The following POP1 variants were observed in gnomAD, a reference collection of about 807,000 sequenced individuals.
POP1 encodes the protein ribonucleases P/MRP protein subunit POP1.
Under a neutral mutation model 102.2 loss-of-function variants are expected in POP1, and 75 were observed. The ratio of observed to expected loss-of-function variants is 0.73; its 90% CI spans 0.61 to 0.89. POP1 has a LOEUF of 0.89. POP1 is among the 40% of genes least tolerant of loss of function. POP1 has a pLI of 0.00. For missense variants in POP1, 1,116 were observed against 1,267.4 expected, an observed-to-expected ratio of 0.88 and a Z score of 1.81; for synonymous variants, 436 against 464.1, an observed-to-expected ratio of 0.94 and a Z score of 0.78.
intron 2 of POP1, among the ~76,000 whole-genome samples, chr8:98,124,087 C>T (rs572263810): frequency 3.6e-4 from 55 of 152,186 alleles, no homozygotes; most frequent in African/African-American, 1.3e-3. Flanking sequence ...CAGAAATGGG[C>T]AGAGGATGGA....
Position 98,146,701 on chromosome 8 carries a change from G to C in POP1, c.1710+18G>C. The C allele has an allele frequency of 1.3e-6, 2 of 1,532,722 alleles. No homozygotes were observed. Among genetic ancestry groups the C allele is most frequent in the South Asian group, 1.1e-5 (1 of 89,260 alleles). 94.9% of individuals were successfully genotyped at this position (1,532,722 alleles called of 1,614,324 possible). ...CGGATCAGGTAACTAATAGTGTAAG[G>C]GTTATTGGTAAAGTCATGAATGACA... On this transcript the variant is annotated intron_variant, in intron 12 of 15. Transcript: ENST00000401707.
chr8:98,131,466 G>T (rs1005653439), intron 5 of POP1, among the ~76,000 whole-genome samples: 8 of 152,162 alleles, frequency 5.3e-5, no homozygotes, highest in Non-Finnish European at 1.2e-4. Context: ...GTATTCCATT[G>T]TAGGTATATA....
At chr8:98,157,559 T>C (rs1809683108) in intron 15 of POP1, 58 bp from the exon 16 acceptor site, 3 of 1,569,694 alleles carry the variant, frequency 1.9e-6, no homozygotes, top group Non-Finnish European at 2.6e-6. Context: ...AATCTTCTGA[T>C]TGCATATTTT....
intron 5 of POP1, 88 bp downstream of exon 5, chr8:98,130,314 C>G (rs1361305370): frequency 6.5e-7 from 1 of 1,543,178 alleles, no homozygotes; most frequent in Non-Finnish European, 8.9e-7. Flanking sequence ...GTGCCAAGCC[C>G]CGTTTATGTG....
At chr8:98,119,837 G>A (rs1018042947) in intron 1 of POP1, among the ~76,000 whole-genome samples, 1 of 152,186 alleles carries the variant, frequency 6.6e-6, no homozygotes, top group African/African-American at 2.4e-5. Flanking sequence ...GCCTCCCAAA[G>A]TGCTGGGATT....
intron 12 of POP1, among the ~76,000 whole-genome samples, chr8:98,147,648 A>G (rs1158511174): frequency 2.6e-5 from 4 of 152,098 alleles, no homozygotes; most frequent in Middle Eastern, 3.2e-3. Context: ...GACCCTTGAA[A>G]TATTCTAGGT....
In POP1 at chr8:98,123,412, C is replaced by T. The variant is rs779273288; in HGVS notation, c.75C>T (p.Gly25=). ...CTACCAATGTGACTCTGTCCTCTGGCTTTGTGGCTGACAGAGGTGTAAAGC... is the reference window on the plus strand; with the variant it reads ...CTACCAATGTGACTCTGTCCTCTGGTTTTGTGGCTGACAGAGGTGTAAAGC... ...NQPTNVTLSS[G]FVADRGVKHH... Residue 25 remains glycine, a synonymous_variant, in exon 2 of 16, where the codon GGC becomes GGT. Coordinates refer to ENST00000401707, the MANE Select transcript of POP1 (RefSeq NM_001145860.2). 1 of 1,614,150 alleles carries T rather than the reference C, an allele frequency of 6.2e-7. No homozygotes were observed. Among genetic ancestry groups the T allele is most frequent in the South Asian group, 1.1e-5 (1 of 91,080 alleles).
At chr8:98,145,983 T>C (rs1399673875) in intron 11 of POP1, among the ~76,000 whole-genome samples, 2 of 152,064 alleles carry the variant, frequency 1.3e-5, no homozygotes, top group East Asian at 3.8e-4. Context: ...ATCAGAGACT[T>C]AAAATAATGG....
chr8:98,117,507 A>C, intron 1 of POP1, 117 bp downstream of exon 1: 4 of 196,734 alleles, frequency 2.0e-5, no homozygotes, highest in Non-Finnish European at 3.2e-5. Flanking sequence ...GACTCCGCTG[A>C]CCTCTTTCCT....
intron 14 of POP1, 71 bp downstream of exon 14, chr8:98,150,710 C>T (rs1809493293): frequency 6.9e-7 from 1 of 1,442,790 alleles, no homozygotes; most frequent in South Asian, 1.2e-5. Flanking sequence ...ATTGGTATCC[C>T]AAACATTAGG....
chr8:98,139,260 T>C (rs1264332110), intron 9 of POP1, among the ~76,000 whole-genome samples: 2 of 152,222 alleles, frequency 1.3e-5, no homozygotes, highest in African/African-American at 2.4e-5. Context: ...TGAAGGACTT[T>C]TTGAAATCTT....
At chr8:98,122,472 C>T (rs562952371) in intron 1 of POP1, among the ~76,000 whole-genome samples, 12 of 152,272 alleles carry the variant, frequency 7.9e-5, no homozygotes, top group African/African-American at 1.4e-4. Context: ...TAGGGCCCTT[C>T]GGATTTCCTG....
chr8:98,129,834 G>T, intron 4 of POP1, 144 bp from the exon 5 acceptor site: 1 of 947,008 alleles, frequency 1.1e-6, no homozygotes, highest in Non-Finnish European at 1.6e-6. Context: ...TTACATTGAA[G>T]AAACTAAGTT....
At chr8:98,124,608 A>G (rs372134243) in intron 2 of POP1, among the ~76,000 whole-genome samples, 2 of 152,122 alleles carry the variant, frequency 1.3e-5, no homozygotes, top group Non-Finnish European at 2.9e-5. Context: ...GAAGATATGT[A>G]TGTATCCCCA....
chr8:98,118,997 CCA>C (rs1320625746), intron 1 of POP1, among the ~76,000 whole-genome samples: 3 of 152,068 alleles, frequency 2.0e-5, no homozygotes, highest in East Asian at 1.9e-4. Flanking sequence ...ATACTAGTGA[CCA>C]CAGAGTTGTG....
At chr8:98,123,684 G>A in intron 2 of POP1, among the ~76,000 whole-genome samples, 1 of 152,016 alleles carries the variant, frequency 6.6e-6, no homozygotes, top group East Asian at 1.9e-4. Flanking sequence ...GGCTGAGGCA[G>A]GAGAATCGCT....
At chr8:98,126,584 C>T (rs947354268) in intron 2 of POP1, among the ~76,000 whole-genome samples, 1 of 152,246 alleles carries the variant, frequency 6.6e-6, no homozygotes, top group East Asian at 1.9e-4. Context: ...TAAATACTTA[C>T]ATGTGAGTAA....
rs897498380 is a variant in POP1, at chr8:98,159,097, A to C, written c.*826A>C. 3.3e-5 allele frequency: 5 copies of C among 152,194 alleles called. No individual in the cohort carries two copies. Among genetic ancestry groups the C allele is most frequent in the Non-Finnish European group, 5.9e-5 (4 of 68,036 alleles). 9.4% of individuals were successfully genotyped at this position (152,194 alleles called of 1,614,324 possible). On this transcript the variant is annotated 3_prime_UTR_variant, in exon 16 of 16. Transcript: ENST00000401707. ...TGATATGGAAACTCTAGGTTAAATA[A>C]AGTTAAGCATTTCTTTATGAAAGAA...
intron 11 of POP1, among the ~76,000 whole-genome samples, chr8:98,142,861 T>G (rs1816744681): frequency 6.6e-6 from 1 of 152,220 alleles, no homozygotes; most frequent in Non-Finnish European, 1.5e-5. Flanking sequence ...GCAGCAGACT[T>G]GAGCAGTGCC....
Sources: gnomAD v4.1 joint callset for allele counts (sites outside exome capture counted in the v4.1 genomes callset) on GRCh38, gnomAD v4.1.1 for gene constraint, MANE v1.5 for transcripts, NCBI Gene and HGNC (gene_info 2026-07-23, HGNC 2026-07-21) for gene names.